The following RPL34 variants were observed in gnomAD, a reference collection of about 807,000 sequenced individuals.
RPL34 encodes ribosomal protein L34.
A neutral mutation model predicts 16.3 loss-of-function variants in RPL34; 2 were observed. The observed-to-expected ratio is 0.12, with a 90% CI of 0.05 to 0.39. RPL34 has a LOEUF of 0.39. Among genes scored for constraint, RPL34 ranks in the 10% least tolerant of loss-of-function variants. RPL34 has a pLI of 0.99. For missense variants in RPL34, 82 were observed against 148.8 expected, an observed-to-expected ratio of 0.55 and a Z score of 2.33; for synonymous variants, 47 against 48.5, an observed-to-expected ratio of 0.97 and a Z score of 0.13.
In RPL34 at chr4:108,622,090, T is replaced by G. The variant is rs2110362983; in HGVS notation, c.66-15T>G. The G allele has an allele frequency of 6.2e-7, 1 of 1,604,142 alleles. No homozygotes were observed. The highest frequency in any genetic ancestry group is 2.2e-5 in the East Asian group (1 of 44,848). ...CTCTACAAAATGCTGACCTACTGACTGTTTCACTTTCTAGGTCCCGAACCC... is the reference window on the plus strand; with the variant it reads ...CTCTACAAAATGCTGACCTACTGACGGTTTCACTTTCTAGGTCCCGAACCC... On this transcript the variant is annotated splice_polypyrimidine_tract_variant and intron_variant, in intron 2 of 4. Transcript: ENST00000394667.
rs889584627 is a variant in RPL34, at chr4:108,620,583, C to T, written c.-27C>T. 1.6e-5 allele frequency: 5 copies of T among 316,650 alleles called. No homozygotes were observed. The highest frequency in any genetic ancestry group is 3.2e-5 in the Non-Finnish European group (5 of 157,334). The allele number at this position is 316,650 out of a possible 1,614,324, so 19.6% of individuals were successfully genotyped here. A position where few individuals can be genotyped will look rare whatever the true frequency, so the allele number is the denominator to read the frequency against. ...GGCAAAGGCTTTTTTCTTCCTCTTC[C>T]GGGGACGTTGTCTGCAGGTATGGAT... On this transcript the variant is annotated 5_prime_UTR_variant, in exon 1 of 5. Transcript: ENST00000394667.
intron 1 of RPL34, 69 bp downstream of exon 1, chr4:108,620,669 G>A (rs922892674): frequency 2.3e-5 from 6 of 257,322 alleles, no homozygotes; most frequent in African/African-American, 1.3e-4. Flanking sequence ...AGGAGCTGAG[G>A]AAGCCTAGAG....
At chr4:108,627,713 A>G (rs1031153613), downstream of RPL34, among the ~76,000 whole-genome samples, 1 of 152,104 alleles carries the variant, frequency 6.6e-6, no homozygotes, top group Non-Finnish European at 1.5e-5. Context: ...AATAACAAAA[A>G]TTAGCCAGAA....
chr4:108,629,402 AT>A (rs1204384546), downstream of RPL34, among the ~76,000 whole-genome samples: 1 of 152,072 alleles, frequency 6.6e-6, no homozygotes, highest in African/African-American at 2.4e-5. Flanking sequence ...TATATATCTG[AT>A]TATTTCACTT....
downstream of RPL34, among the ~76,000 whole-genome samples, chr4:108,629,096 G>T (rs1726103697): frequency 6.6e-6 from 1 of 152,186 alleles, no homozygotes; most frequent in South Asian, 2.1e-4. Context: ...GGGATGACAG[G>T]CTTGAGCCAC....
rs2110363073 is a variant in RPL34, at chr4:108,622,141, T to C, written c.102T>C (p.Tyr34=). ...RTPGNRIVYL[Y]TKKVGKAPKS... is the part of the protein sequence containing the mutation. ...CTGGTAATAGAATTGTTTACCTTTA[T>C]ACCAAGAAGGTTGGGAAAGCACCAA... Residue 34 remains tyrosine, a synonymous_variant, in exon 3 of 5, where the codon TAT becomes TAC. Coordinates refer to ENST00000394667, the MANE Select transcript of RPL34 (RefSeq NM_001319236.2). The C allele has an allele frequency of 6.2e-7, 1 of 1,614,046 alleles. No homozygotes were observed. The highest frequency in any genetic ancestry group is 8.5e-7 in the Non-Finnish European group (1 of 1,179,976).
downstream of RPL34, among the ~76,000 whole-genome samples, chr4:108,628,373 T>C (rs1726081870): frequency 6.6e-6 from 1 of 152,214 alleles, no homozygotes; most frequent in African/African-American, 2.4e-5. Flanking sequence ...GTATTTGATA[T>C]AACCATCTAA....
chr4:108,622,721 C>T lies in RPL34; in HGVS notation c.269+103C>T. 8.9e-6 allele frequency: 6 copies of T among 671,034 alleles called. No individual in the cohort carries two copies. In the South Asian group the frequency reaches 1.3e-4, roughly 15 times the overall value. The allele number at this position is 671,034 out of a possible 1,614,324, so 41.6% of individuals were successfully genotyped here. On this transcript the variant is annotated intron_variant, in intron 4 of 4. Transcript: ENST00000394667. ...GAAGCAACTCATTTTAAACCAGTTGCATGCTTTAGAACCCTTTCTTTGCTA... is the reference window on the plus strand; with the variant it reads ...GAAGCAACTCATTTTAAACCAGTTGTATGCTTTAGAACCCTTTCTTTGCTA...
chr4:108,623,489 A>G (rs1012929776), intron 4 of RPL34, among the ~76,000 whole-genome samples: 1 of 152,156 alleles, frequency 6.6e-6, no homozygotes, highest in African/African-American at 2.4e-5. Context: ...GGCTCACTGT[A>G]ACCTCCGCCT....
At chr4:108,624,620 G>A (rs1447118859) in intron 4 of RPL34, among the ~76,000 whole-genome samples, 1 of 152,132 alleles carries the variant, frequency 6.6e-6, no homozygotes, top group African/African-American at 2.4e-5. Context: ...ATATAGAGAA[G>A]GTAACTTGTC....
In RPL34 at chr4:108,622,572, A is replaced by C. The variant is rs1298195030; in HGVS notation, c.223A>C (p.Ser75Arg). ...ATTGTCCAAAACAAAGAAACATGTC[A>C]GCAGGGCCTATGGTGGTTCCATGTG... Reference protein sequence around the residue: ...MRLSKTKKHVSRAYGGSMCAK... With the variant: ...MRLSKTKKHVRRAYGGSMCAK... Residue 75 changes from serine to arginine, a missense_variant, in exon 4 of 5, where the codon AGC becomes CGC. Ser to Arg is a moderately radical substitution (Grantham distance 110). Transcript: ENST00000394667. 1 of 1,610,582 alleles carries C rather than the reference A, an allele frequency of 6.2e-7. No individual in the cohort carries two copies. The highest frequency in any genetic ancestry group is 1.7e-5 in the Admixed American group (1 of 58,900).
chr4:108,629,735 C>T (rs1460337057), downstream of RPL34, among the ~76,000 whole-genome samples: 2 of 152,156 alleles, frequency 1.3e-5, no homozygotes, highest in East Asian at 3.9e-4. Flanking sequence ...GGTTCTTTTA[C>T]CCTTAAAAAT....
chr4:108,628,257 C>T (rs986089939), downstream of RPL34, among the ~76,000 whole-genome samples: 1 of 152,086 alleles, frequency 6.6e-6, no homozygotes, highest in South Asian at 2.1e-4. Context: ...AAATATAAAA[C>T]GGGGATAGAA....
chr4:108,622,804 A>G (rs566757442), intron 4 of RPL34, 186 bp downstream of exon 4: 138 of 465,480 alleles, frequency 3.0e-4, no homozygotes, highest in Non-Finnish European at 5.1e-4. Context: ...ATTTGGGGGC[A>G]TATTTATGCT....
At chr4:108,621,173 G>A (rs1725754035) in intron 1 of RPL34, 1 of 152,122 alleles carries the variant, frequency 6.6e-6, no homozygotes, top group African/African-American at 2.4e-5. Flanking sequence ...TTTAGTGAGA[G>A]GCTTGTGACA....
chr4:108,626,694 C>T (rs538513726), downstream of RPL34, among the ~76,000 whole-genome samples: 1 of 152,224 alleles, frequency 6.6e-6, no homozygotes, highest in South Asian at 2.1e-4. Context: ...CCACCTTGGC[C>T]TCCCAAAGTG....
chr4:108,623,372 G>A (rs1265207896), intron 4 of RPL34: 2 of 152,060 alleles, frequency 1.3e-5, no homozygotes, highest in South Asian at 2.1e-4. Flanking sequence ...GATTATGAGG[G>A]GCTTTACAGA....
At chr4:108,626,012 T>A (rs1264939232), downstream of RPL34, among the ~76,000 whole-genome samples, 1 of 152,154 alleles carries the variant, frequency 6.6e-6, no homozygotes, top group African/African-American at 2.4e-5. Context: ...AGCTCAGAAC[T>A]CCTTATTTAA....
At position 108,620,605 on chromosome 4, in the gene RPL34, G is replaced by A. The variant is rs567821117; in HGVS notation, c.-10+5G>A. 9 of 305,654 alleles carry A rather than the reference G, an allele frequency of 2.9e-5. No homozygotes were observed. In the East Asian group the frequency reaches 6.9e-4, roughly 23 times the overall value. The allele number at this position is 305,654 out of a possible 1,614,324, so 18.9% of individuals were successfully genotyped here. A position where few individuals can be genotyped will look rare whatever the true frequency, so the allele number is the denominator to read the frequency against. On this transcript the variant is annotated splice_donor_5th_base_variant and intron_variant, in intron 1 of 4. Coordinates refer to ENST00000394667, the MANE Select transcript of RPL34 (RefSeq NM_001319236.2). ...TTCCGGGGACGTTGTCTGCAGGTATGGATGTTGTTCTCTTTTCCCTGTCTT... is the reference window on the plus strand; with the variant it reads ...TTCCGGGGACGTTGTCTGCAGGTATAGATGTTGTTCTCTTTTCCCTGTCTT...
Sources: allele counts gnomAD v4.1 joint callset (sites outside exome capture counted in the v4.1 genomes callset), GRCh38; gene constraint gnomAD v4.1.1; transcripts MANE v1.5; gene names NCBI Gene and HGNC (gene_info 2026-07-23, HGNC 2026-07-21).